The following LYPLAL1 variants were observed in gnomAD, a reference collection of about 807,000 sequenced individuals.
The protein encoded by LYPLAL1 is lysophospholipase-like protein 1.
LYPLAL1 carries 23 observed loss-of-function variants against 19.7 expected under a neutral mutation model. The observed-to-expected ratio is 1.17, with a 90% confidence interval of 0.84 to 1.65. LYPLAL1 has a LOEUF of 1.65. Ranked by LOEUF, LYPLAL1 falls within the 40% of genes most tolerant of loss-of-function variation. The pLI is 0.00. For synonymous variants in LYPLAL1, 119 were observed against 96.3 expected (o/e 1.24, Z -1.38); for missense variants, 355 against 279.4 (o/e 1.27, Z -1.93).
chr1:219,179,036 T>TG, intron 1 of LYPLAL1, 111 bp from the exon 2 acceptor site: 1 of 649,932 alleles, frequency 1.5e-6, no homozygotes, highest in South Asian at 2.6e-5. Context: ...TGTATGGAGC[T>TG]TTTTTAAATC....
the LYPLAL1 span, among the ~76,000 whole-genome samples, chr1:219,402,176 T>C: frequency 3.9e-5 from 6 of 152,210 alleles, no homozygotes; most frequent in African/African-American, 1.4e-4. Flanking sequence ...TATTCTGTTA[T>C]TTCCAAGTTT....
chr1:219,414,186 G>C, the LYPLAL1 span, among the ~76,000 whole-genome samples: 1 of 152,064 alleles, frequency 6.6e-6, no homozygotes, highest in Non-Finnish European at 1.5e-5. Flanking sequence ...ACTGAATTTC[G>C]GTTTGATTGT....
the LYPLAL1 span, among the ~76,000 whole-genome samples, chr1:219,306,849 T>TAGATAGATAGACAGACAGACAGAC: frequency 7.5e-4 from 102 of 135,388 alleles, no homozygotes; most frequent in African/African-American, 1.6e-3. Context: ...GATAGATAGA[T>TAGATAGATAGACAGACAGACAGAC]AGACAGACAG....
At chr1:219,278,525 T>C in the LYPLAL1 span, among the ~76,000 whole-genome samples, 1 of 152,156 alleles carries the variant, frequency 6.6e-6, no homozygotes, top group Admixed American at 6.5e-5. Flanking sequence ...TACACACAGC[T>C]CATAAGTGAT....
At chr1:219,444,041 C>T in the LYPLAL1 span, among the ~76,000 whole-genome samples, 4 of 152,146 alleles carry the variant, frequency 2.6e-5, no homozygotes, top group African/African-American at 4.8e-5. Flanking sequence ...GCAAAGTCCA[C>T]ACACACAATG....
chr1:219,351,706 C>T, the LYPLAL1 span, among the ~76,000 whole-genome samples: 1 of 152,178 alleles, frequency 6.6e-6, no homozygotes, highest in Admixed American at 6.5e-5. Flanking sequence ...AAGTTATTCA[C>T]AGTGTTTTAA....
rs1253099700 is a variant in LYPLAL1 at position 219,187,814 on chromosome 1, A to G, written c.192-5268A>G. Among the ~76,000 whole-genome samples, 34 of 151,784 alleles carry G rather than the reference A, an allele frequency of 2.2e-4. No homozygotes were observed. The Admixed American group carries it at 2.2e-3, about 10-fold the overall frequency. On this transcript the variant is annotated intron_variant, in intron 2 of 4. Coordinates refer to ENST00000366928, the MANE Select transcript of LYPLAL1 (RefSeq NM_138794.5). ...AGTAGGAGAGCCCTCTCCTGATAAC[A>G]GTATATCTGTACTACAAGTATGCTA...
At chr1:219,438,221 G>A in the LYPLAL1 span, among the ~76,000 whole-genome samples, 1 of 152,180 alleles carries the variant, frequency 6.6e-6, no homozygotes, top group East Asian at 1.9e-4. Flanking sequence ...GTCCTCATCT[G>A]GAGACTTGAG....
At chr1:219,390,072 C>T in the LYPLAL1 span, among the ~76,000 whole-genome samples, 1 of 151,350 alleles carries the variant, frequency 6.6e-6, no homozygotes, top group South Asian at 2.1e-4. Flanking sequence ...TTCTATGTGT[C>T]ACAAAATGCT....
At chr1:219,371,149 G>A in the LYPLAL1 span, among the ~76,000 whole-genome samples, 1 of 152,098 alleles carries the variant, frequency 6.6e-6, no homozygotes, top group Non-Finnish European at 1.5e-5. Context: ...ACGAAATATT[G>A]GTTTCCTAAG....
chr1:219,273,798 G>A, the LYPLAL1 span, among the ~76,000 whole-genome samples: 2 of 152,154 alleles, frequency 1.3e-5, no homozygotes, highest in Admixed American at 1.3e-4. Context: ...TTTCGCTCTT[G>A]TTGCCCAGGC....
the LYPLAL1 span, among the ~76,000 whole-genome samples, chr1:219,223,412 G>A: frequency 6.6e-6 from 1 of 152,040 alleles, no homozygotes; most frequent in Non-Finnish European, 1.5e-5. Context: ...TTTATTCTTT[G>A]TTTTCTAGCC....
At chr1:219,268,449 A>G in the LYPLAL1 span, among the ~76,000 whole-genome samples, 2 of 152,188 alleles carry the variant, frequency 1.3e-5, no homozygotes, top group African/African-American at 2.4e-5. Context: ...AAGGGGACCA[A>G]TGGAGGTGGA....
chr1:219,208,815 G>T (rs1658775568), intron 3 of LYPLAL1, among the ~76,000 whole-genome samples: 1 of 152,070 alleles, frequency 6.6e-6, no homozygotes, highest in East Asian at 1.9e-4. Flanking sequence ...AGAGAAATCT[G>T]TAACTAGAAT....
chr1:219,189,642 C>T (rs1656988324), intron 2 of LYPLAL1, among the ~76,000 whole-genome samples: 1 of 151,394 alleles, frequency 6.6e-6, no homozygotes. Context: ...TTATTGGAGT[C>T]CTAGTATAGA....
intron 1 of LYPLAL1, among the ~76,000 whole-genome samples, chr1:219,177,130 G>A (rs931225589): frequency 1.3e-5 from 2 of 152,146 alleles, no homozygotes; most frequent in African/African-American, 2.4e-5. Context: ...CTTAGACTTG[G>A]CTTTAAAGCC....
the LYPLAL1 span, among the ~76,000 whole-genome samples, chr1:219,277,652 T>C: frequency 1.1e-4 from 17 of 152,342 alleles, no homozygotes; most frequent in East Asian, 1.2e-3. Context: ...CTTTGTCTTA[T>C]TCACTTTAGC....
chr1:219,353,724 T>G, the LYPLAL1 span, among the ~76,000 whole-genome samples: 19 of 152,206 alleles, frequency 1.2e-4, no homozygotes, highest in African/African-American at 4.6e-4. Context: ...AACACAAAAA[T>G]CATTATGTCT....
the LYPLAL1 span, among the ~76,000 whole-genome samples, chr1:219,372,390 C>T: frequency 6.6e-6 from 1 of 152,110 alleles, no homozygotes; most frequent in East Asian, 1.9e-4. Flanking sequence ...GTTCAGTTTT[C>T]TCATTTTCCA....
Sources: gnomAD v4.1 joint callset for allele counts (sites outside exome capture counted in the v4.1 genomes callset) on GRCh38, gnomAD v4.1.1 for gene constraint, MANE v1.5 for transcripts, NCBI Gene and HGNC (gene_info 2026-07-23, HGNC 2026-07-21) for gene names.